The following CAMKMT variants were observed in gnomAD, a reference collection of about 807,000 sequenced individuals.
The protein encoded by CAMKMT is calmodulin-lysine N-methyltransferase.
A neutral mutation model predicts 48.0 loss-of-function variants in CAMKMT; 53 were observed. The ratio of observed to expected loss-of-function variants is 1.10; its 90% CI spans 0.89 to 1.39. CAMKMT has a LOEUF of 1.39. Ranked by LOEUF, CAMKMT falls within the 40% of genes most tolerant of loss-of-function variation. The probability of loss-of-function intolerance (pLI) is 0.00; values close to 1 mark genes in which losing one functional copy is unlikely to be tolerated. For synonymous variants in CAMKMT, 165 were observed against 152.3 expected (o/e 1.08, Z -0.61); for missense variants, 428 against 402.7 (o/e 1.06, Z -0.54).
chr2:44,507,086 A>G (rs1376820717), intron 3 of CAMKMT, among the ~76,000 whole-genome samples: 1 of 141,216 alleles, frequency 7.1e-6, no homozygotes, highest in Admixed American at 7.2e-5. Flanking sequence ...TTTTTTTTTG[A>G]ATATGTGTGT....
chr2:44,575,382 C>T (rs1572836424), intron 3 of CAMKMT, among the ~76,000 whole-genome samples: 1 of 152,104 alleles, frequency 6.6e-6, no homozygotes, highest in Non-Finnish European at 1.5e-5. Context: ...CCCAGCCCTT[C>T]TCCATTTATT....
chr2:44,564,432 C>G (rs1205224674), intron 3 of CAMKMT, among the ~76,000 whole-genome samples: 1 of 152,184 alleles, frequency 6.6e-6, no homozygotes, highest in Non-Finnish European at 1.5e-5. Flanking sequence ...GCCTCGGCCT[C>G]CCAAAGTGCT....
chr2:44,677,707 TA>T (rs70937929), intron 3 of CAMKMT, among the ~76,000 whole-genome samples: 66,619 of 147,264 alleles, frequency 0.45, 15,606 homozygotes, highest in Non-Finnish European at 0.54. Flanking sequence ...AGACTCCGTC[TA>T]AAAAAAAAAA....
At chr2:44,543,547 CTATGCTAG>C (rs1418187692) in intron 3 of CAMKMT, among the ~76,000 whole-genome samples, 1 of 152,124 alleles carries the variant, frequency 6.6e-6, no homozygotes. Context: ...CTGAGATTAA[CTATGCTAG>C]TATTTTTATT....
intron 7 of CAMKMT, among the ~76,000 whole-genome samples, chr2:44,725,709 A>G (rs1399661100): frequency 6.6e-6 from 1 of 152,180 alleles, no homozygotes; most frequent in Non-Finnish European, 1.5e-5. Context: ...AGATTTAGCT[A>G]TTTGTGATAA....
chr2:44,437,889 C>T (rs1416484646), intron 3 of CAMKMT, among the ~76,000 whole-genome samples: 1 of 149,832 alleles, frequency 6.7e-6, no homozygotes, highest in South Asian at 2.1e-4. Context: ...CAGAGAACTA[C>T]TACCTTCTCT....
At chr2:44,731,573 C>T (rs1199551330) in intron 7 of CAMKMT, among the ~76,000 whole-genome samples, 1 of 152,132 alleles carries the variant, frequency 6.6e-6, no homozygotes, top group Non-Finnish European at 1.5e-5. Flanking sequence ...GAAATTCTTT[C>T]AGTGTGAGTT....
chr2:44,707,462 A>C lies in CAMKMT; in HGVS notation c.556A>C (p.Asn186His), dbSNP rs1677624632. The C allele has an allele frequency of 6.2e-7, 1 of 1,612,222 alleles. No homozygotes were observed. The highest frequency in any genetic ancestry group is 2.2e-5 in the East Asian group (1 of 44,806). The change falls in exon 6 of 11, where the codon AAT (asparagine) becomes CAT (histidine). Residue 186 changes from asparagine (N) to histidine (H), a missense_variant and splice_region_variant. By Grantham distance (68) the Asn-to-His change is moderately conservative. Coordinates refer to ENST00000378494, the MANE Select transcript of CAMKMT (RefSeq NM_024766.5). ...TGATGGGAATGAAAAGGCCATCAGA[A>C]GTATCCTTATTCAGATAGAAAACGG... The part of the protein sequence containing the change: ...LTDGNEKAIR[N>H]VQDIITRNQK...
chr2:44,487,517 G>A (rs538129805), intron 3 of CAMKMT, among the ~76,000 whole-genome samples: 1 of 152,022 alleles, frequency 6.6e-6, no homozygotes, highest in Non-Finnish European at 1.5e-5. Flanking sequence ...TTTAAATAAA[G>A]TTTTGACATT....
intron 7 of CAMKMT, among the ~76,000 whole-genome samples, chr2:44,743,226 T>A (rs1270485082): frequency 6.6e-6 from 1 of 152,216 alleles, no homozygotes; most frequent in Non-Finnish European, 1.5e-5. Flanking sequence ...AGTATAGATA[T>A]AAGCTGTCTC....
At chr2:44,383,492 A>AT (rs1680468690) in intron 2 of CAMKMT, among the ~76,000 whole-genome samples, 1 of 151,634 alleles carries the variant, frequency 6.6e-6, no homozygotes, top group Middle Eastern at 3.2e-3. Flanking sequence ...TTCAATTTTC[A>AT]TTTTTTTCCA....
intron 3 of CAMKMT, among the ~76,000 whole-genome samples, chr2:44,600,701 C>CA (rs1167725854): frequency 1.1e-4 from 16 of 152,260 alleles, no homozygotes; most frequent in African/African-American, 3.9e-4. Context: ...TCTGTGCACA[C>CA]AAACTGTTCC....
At chr2:44,482,680 A>C (rs1245905915) in intron 3 of CAMKMT, among the ~76,000 whole-genome samples, 1 of 151,974 alleles carries the variant, frequency 6.6e-6, no homozygotes, top group East Asian at 1.9e-4. Flanking sequence ...AAATGGCCTT[A>C]TACTTCACCC....
At chr2:44,659,566 C>CAA (rs201673397) in intron 3 of CAMKMT, among the ~76,000 whole-genome samples, 1,808 of 113,594 alleles carry the variant, frequency 0.016, 34 homozygotes, top group African/African-American at 0.061. Context: ...CCCATCTCTA[C>CAA]AAAAAAAAAA....
At position 44,614,539 on chromosome 2, in the gene CAMKMT, A is replaced by G. The variant is rs934209767; in HGVS notation, c.377-89744A>G. 3.3e-5 allele frequency among the ~76,000 whole-genome samples: 5 copies of G among 152,330 alleles called. No homozygotes were observed. The East Asian group carries it at 9.6e-4, about 29-fold the overall frequency. On this transcript the variant is annotated intron_variant, in intron 3 of 10. Transcript: ENST00000378494. Reference sequence around the variant, plus strand: ...TCATGAAGGCTATACTCTTATGAGCAAGATAAGCAGAACATAAATAAATAA... The same window carrying G: ...TCATGAAGGCTATACTCTTATGAGCGAGATAAGCAGAACATAAATAAATAA...
At chr2:44,551,939 TACTC>T (rs1667736690) in intron 3 of CAMKMT, among the ~76,000 whole-genome samples, 1 of 152,222 alleles carries the variant, frequency 6.6e-6, no homozygotes, top group Admixed American at 6.5e-5. Context: ...CAGTTTAGCT[TACTC>T]AGGGCGAAGT....
intron 2 of CAMKMT, 113 bp downstream of exon 2, chr2:44,373,001 T>G: frequency 9.9e-7 from 1 of 1,006,514 alleles, no homozygotes; most frequent in East Asian, 2.8e-5. Context: ...GCAATCTTTT[T>G]CAGAACTTAG....
intron 3 of CAMKMT, among the ~76,000 whole-genome samples, chr2:44,500,893 A>T (rs1223536302): frequency 6.6e-6 from 1 of 151,494 alleles, no homozygotes; most frequent in African/African-American, 2.4e-5. Flanking sequence ...TGTTGACCAG[A>T]CTGGTCTTGA....
chr2:44,379,450 G>A (rs1044152918), intron 2 of CAMKMT, among the ~76,000 whole-genome samples: 6 of 152,126 alleles, frequency 3.9e-5, no homozygotes, highest in African/African-American at 1.4e-4. Flanking sequence ...GCTGGGTCAT[G>A]TGGTATCTCT....
Sources: gnomAD v4.1 joint callset for allele counts (sites outside exome capture counted in the v4.1 genomes callset) on GRCh38, gnomAD v4.1.1 for gene constraint, MANE v1.5 for transcripts, NCBI Gene and HGNC (gene_info 2026-07-23, HGNC 2026-07-21) for gene names.